Variants in CENATAC observed in about 807,000 individuals in gnomAD.
CENATAC encodes coiled-coil domain containing 84.
Under a neutral mutation model 53.7 loss-of-function variants are expected in CENATAC, and 53 were observed. That is an observed-to-expected ratio of 0.99 (90% CI 0.79 to 1.24). The LOEUF (loss-of-function observed/expected upper bound fraction) is 1.24. Among genes scored for constraint, CENATAC ranks in the 50% most tolerant of loss-of-function variants. CENATAC has a pLI of 0.00. For missense variants in CENATAC, 474 were observed against 417.8 expected (o/e 1.13, Z -1.17); for synonymous variants, 156 against 144.6 (o/e 1.08, Z -0.57).
rs570519238 is a variant in CENATAC at position 119,015,713 on chromosome 11, T to C, written c.*115T>C. 2.3e-6 allele frequency: 3 copies of C among 1,308,014 alleles called. No individual in the cohort carries two copies. Among genetic ancestry groups the C allele is most frequent in the African/African-American group, 1.5e-5 (1 of 67,764 alleles). 81.0% of individuals were successfully genotyped at this position (1,308,014 alleles called of 1,614,324 possible). ...TTAGGAAACAGACATACTCATTCAT[T>C]TGATTTAATAAAGTTTTATTTTTCC... On this transcript the variant is annotated 3_prime_UTR_variant, in exon 11 of 11. Transcript: ENST00000334418.
chr11:119,013,272 A>G lies in CENATAC; in HGVS notation c.715+10A>G. ...GGTAACATCCACTCAGGTAAGGTCCAGGGCAGTGTTTTTAAAACCCTGGGA... is the reference window on the plus strand; with the variant it reads ...GGTAACATCCACTCAGGTAAGGTCCGGGGCAGTGTTTTTAAAACCCTGGGA... On this transcript the variant is annotated intron_variant, in intron 8 of 10. Coordinates refer to ENST00000334418, the MANE Select transcript of CENATAC (RefSeq NM_198489.3). The G allele has an allele frequency of 6.3e-7, 1 of 1,596,122 alleles. No homozygotes were observed. The highest frequency in any genetic ancestry group is 8.5e-7 in the Non-Finnish European group (1 of 1,172,792).
intron 3 of CENATAC, among the ~76,000 whole-genome samples, chr11:119,005,321 C>T (rs1358747672): frequency 6.6e-6 from 1 of 151,698 alleles, no homozygotes; most frequent in African/African-American, 2.4e-5. Context: ...AAAAAATTAC[C>T]CAGACGAGGT....
At chr11:119,007,441 C>G (rs567605838) in intron 3 of CENATAC, among the ~76,000 whole-genome samples, 3 of 152,234 alleles carry the variant, frequency 2.0e-5, no homozygotes, top group Admixed American at 2.0e-4. Context: ...CTCGGCCTCC[C>G]AAAGTGCTGG....
In CENATAC at chr11:119,015,549, A is replaced by G. The variant is rs1220020580; in HGVS notation, c.950A>G (p.Lys317Arg). The change falls in exon 11 of 11, where the codon AAA becomes AGA. Residue 317 changes from lysine to arginine, a missense_variant. Lys to Arg is a conservative substitution (Grantham distance 26, BLOSUM62 2). Transcript: ENST00000334418. ...GRRWQSRHQF[K>R]TEAAAMKKQS... is the part of the protein sequence containing the mutation. ...TTATTTCCTTTCAGACATCAATTCAAAACTGAAGCTGCAGCAATGAAGAAG... is the reference window on the plus strand; with the variant it reads ...TTATTTCCTTTCAGACATCAATTCAGAACTGAAGCTGCAGCAATGAAGAAG... The G allele has an allele frequency of 5.0e-6, 8 of 1,614,170 alleles. No homozygotes were observed. Among genetic ancestry groups the G allele is most frequent in the Non-Finnish European group, 6.8e-6 (8 of 1,180,024 alleles).
At chr11:119,003,619 C>CTTTTTTTTT (rs782023708) in intron 3 of CENATAC, 5 of 110,988 alleles carry the variant, frequency 4.5e-5, no homozygotes, top group African/African-American at 2.4e-4. Flanking sequence ...ATATTTCTCT[C>CTTTTTTTTT]TCTTTTTTTT....
At chr11:119,012,286 A>G in intron 7 of CENATAC, 32 bp downstream of exon 7, 1 of 1,610,850 alleles carries the variant, frequency 6.2e-7, no homozygotes, top group Non-Finnish European at 8.5e-7. Flanking sequence ...GAAGAGGGCC[A>G]ATGGTCCCTC....
At chr11:119,008,111 G>T (rs1189529016) in intron 3 of CENATAC, among the ~76,000 whole-genome samples, 1 of 152,092 alleles carries the variant, frequency 6.6e-6, no homozygotes, top group Non-Finnish European at 1.5e-5. Flanking sequence ...TTGAAGGGGT[G>T]GCCTGCCCCT....
At chr11:119,013,165 C>A in intron 7 of CENATAC, 67 bp from the exon 8 acceptor site, 1 of 1,229,888 alleles carries the variant, frequency 8.1e-7, no homozygotes, top group South Asian at 1.3e-5. Context: ...TCTATCGTTT[C>A]TAGGATTTTT....
chr11:118,999,647 CT>C (rs969121420), intron 3 of CENATAC, among the ~76,000 whole-genome samples: 9 of 151,462 alleles, frequency 5.9e-5, no homozygotes, highest in Non-Finnish European at 1.0e-4. Context: ...ACGTTTTTTT[CT>C]TTTTTTCTTT....
chr11:119,015,276 GAAAAATA>G (rs1212204065), intron 9 of CENATAC, 24 bp from the exon 10 acceptor site: 1 of 1,579,868 alleles, frequency 6.3e-7, no homozygotes. Context: ...CTTCAATAAA[GAAAAATA>G]AAAGTTTCCC....
At chr11:119,006,362 G>A (rs1201924419) in intron 3 of CENATAC, among the ~76,000 whole-genome samples, 1 of 148,742 alleles carries the variant, frequency 6.7e-6, no homozygotes, top group African/African-American at 2.5e-5. Context: ...CAGCCTCCCT[G>A]AGTAGCTGGG....
chr11:119,000,110 T>C (rs782543429), intron 3 of CENATAC, among the ~76,000 whole-genome samples: 4 of 152,234 alleles, frequency 2.6e-5, no homozygotes, highest in African/African-American at 4.8e-5. Context: ...TGGGAATTCA[T>C]CTGCTGCCTC....
rs1043498787 is a variant in CENATAC, at chr11:118,998,217, G to A, written c.20G>A (p.Cys7Tyr). Residue 7 changes from cysteine to tyrosine, a missense_variant, in exon 1 of 11, where the codon TGC (cysteine) becomes TAC (tyrosine). Coordinates refer to ENST00000334418, the MANE Select transcript of CENATAC (RefSeq NM_198489.3). ...CGGGCTATGGCGCCGGCGCAGCGCT[G>A]CCCTCTGTGCCGCCAGACCTTCTTC... Reference protein sequence around the residue: MAPAQRCPLCRQTFFCG... With the variant: MAPAQRYPLCRQTFFCG... The A allele has an allele frequency of 1.9e-6, 3 of 1,581,992 alleles. No individual in the cohort carries two copies. Among genetic ancestry groups the A allele is most frequent in the Non-Finnish European group, 2.6e-6 (3 of 1,165,016 alleles).
chr11:118,998,571 G>A lies in CENATAC; in HGVS notation c.262G>A (p.Gly88Arg). Reference sequence around the variant, plus strand: ...TGGAAACCTGACGGTGCTGTACGGGGGGCTGCTGGAGCATCTGGCCAGGTG... The same window carrying A: ...TGGAAACCTGACGGTGCTGTACGGGAGGCTGCTGGAGCATCTGGCCAGGTG... ...SHGNLTVLYG[G>R]LLEHLASPEH... The change falls in exon 2 of 11, where the codon GGG becomes AGG. Residue 88 changes from glycine (G) to arginine (R), a missense_variant. By Grantham distance (125) the Gly-to-Arg change is moderately radical (BLOSUM62 -2). Coordinates refer to ENST00000334418, the MANE Select transcript of CENATAC (RefSeq NM_198489.3). 7.0e-6 allele frequency: 11 copies of A among 1,572,004 alleles called. No homozygotes were observed. The highest frequency in any genetic ancestry group is 2.4e-5 in the East Asian group (1 of 42,498).
At chr11:119,004,481 C>T (rs924605204) in intron 3 of CENATAC, 2 of 152,194 alleles carry the variant, frequency 1.3e-5, no homozygotes, top group Non-Finnish European at 2.9e-5. Context: ...CTCCTGACCT[C>T]ATGATCCACC....
intron 3 of CENATAC, among the ~76,000 whole-genome samples, chr11:119,000,425 T>C (rs1225772729): frequency 1.4e-5 from 2 of 147,742 alleles, no homozygotes; most frequent in Non-Finnish European, 3.0e-5. Context: ...CAGTGATAGC[T>C]TCATGAATTT....
chr11:118,998,482 C>G lies in CENATAC; in HGVS notation c.173C>G (p.Pro58Arg). Residue 58 changes from proline (P) to arginine (R), a missense_variant, in exon 2 of 11, where the codon CCC becomes CGC. Coordinates refer to ENST00000334418, the MANE Select transcript of CENATAC (RefSeq NM_198489.3). ...GCCGCTCAGGTGGAGCGCTATGTGC[C>G]CGAACACGAGCGATGCTGCTGGTGC... is the stretch of plus-strand genomic sequence containing the variant. ...IRAAQVERYV[P>R]EHERCCWCLC... 6.2e-7 allele frequency: 1 copy of G among 1,613,372 alleles called. No homozygotes were observed. Among genetic ancestry groups the G allele is most frequent in the Non-Finnish European group, 8.5e-7 (1 of 1,179,842 alleles).
intron 5 of CENATAC, 92 bp downstream of exon 5, chr11:119,011,375 TTCTTC>T (rs2134564088): frequency 8.1e-7 from 1 of 1,229,320 alleles, no homozygotes; most frequent in Non-Finnish European, 1.2e-6. Context: ...GTGCTTCTTC[TTCTTC>T]TTTTTTTTTT....
intron 3 of CENATAC, among the ~76,000 whole-genome samples, chr11:119,007,315 G>A (rs58590197): frequency 6.6e-6 from 1 of 151,794 alleles, no homozygotes; most frequent in Admixed American, 6.6e-5. Flanking sequence ...TGCTAAGTAG[G>A]TGGGATTACA....
Sources: allele counts gnomAD v4.1 joint callset (sites outside exome capture counted in the v4.1 genomes callset), GRCh38; gene constraint gnomAD v4.1.1; transcripts MANE v1.5; gene names NCBI Gene and HGNC (gene_info 2026-07-23, HGNC 2026-07-21).